The following CDH18 variants were observed in gnomAD, a reference collection of about 807,000 sequenced individuals.
CDH18 encodes cadherin-18.
Under a neutral mutation model 67.9 loss-of-function variants are expected in CDH18, and 31 were observed. That is an observed-to-expected ratio of 0.46 (90% CI 0.34 to 0.62). The LOEUF is 0.62. Ranked by LOEUF, CDH18 falls within the 20% of genes least tolerant of loss-of-function variation. The pLI, the probability that CDH18 is intolerant of heterozygous loss-of-function variation, is 0.01. For missense variants in CDH18, 890 were observed against 975.5 expected (o/e 0.91, Z 1.17); for synonymous variants, 362 against 347.2 (o/e 1.04, Z -0.48).
At chr5:19,637,470 G>A (rs1341327423) in intron 5 of CDH18, among the ~76,000 whole-genome samples, 3 of 151,914 alleles carry the variant, frequency 2.0e-5, no homozygotes, top group East Asian at 1.9e-4. Flanking sequence ...CAGCAGTTAC[G>A]CCTGACAAAT....
chr5:19,543,981 T>G lies in CDH18; in HGVS notation c.1278A>C (p.Glu426Asp), dbSNP rs1190319684. The G allele has an allele frequency of 1.9e-6, 3 of 1,584,338 alleles. No homozygotes were observed. The South Asian group carries it at 3.4e-5, about 18-fold the overall frequency. ...LVRYFINYNV[E>D]DDRFFNIDAN... ...CATCAATGTTGAAAAATCTGTCGTC[T>G]TCAACATTGTAGTTGATGAAGTATC... The change falls in exon 9 of 13, where the codon GAA becomes GAC. Residue 426 changes from glutamate (E) to aspartate (D), a missense_variant. Glu to Asp is a conservative substitution (Grantham distance 45, BLOSUM62 2). Coordinates refer to ENST00000382275, the MANE Select transcript of CDH18 (RefSeq NM_004934.5).
At chr5:20,265,006 G>C (rs1744924450) in intron 1 of CDH18, among the ~76,000 whole-genome samples, 1 of 152,090 alleles carries the variant, frequency 6.6e-6, no homozygotes, top group African/African-American at 2.4e-5. Context: ...AATGATACGA[G>C]AGACGAGTGA....
At chr5:19,601,559 T>C (rs1363258946) in intron 6 of CDH18, among the ~76,000 whole-genome samples, 1 of 151,862 alleles carries the variant, frequency 6.6e-6, no homozygotes, top group Non-Finnish European at 1.5e-5. Context: ...TCTCAAAATC[T>C]TGCAAAAAGT....
intron 1 of CDH18, among the ~76,000 whole-genome samples, chr5:20,412,497 G>C (rs372954293): frequency 2.1e-3 from 314 of 152,276 alleles, no homozygotes; most frequent in African/African-American, 7.4e-3. Context: ...CAAAAAATTT[G>C]ACAAACAGGA....
At chr5:19,998,308 A>C (rs1456683280) in intron 2 of CDH18, among the ~76,000 whole-genome samples, 2 of 152,184 alleles carry the variant, frequency 1.3e-5, no homozygotes, top group African/African-American at 2.4e-5. Context: ...TAAAATAATA[A>C]AAAATTAAAA....
intron 2 of CDH18, among the ~76,000 whole-genome samples, chr5:19,926,089 A>T (rs1391550111): frequency 6.6e-6 from 1 of 151,882 alleles, no homozygotes. Context: ...TTCACCTGCA[A>T]TTTTTTTTCA....
intron 2 of CDH18, among the ~76,000 whole-genome samples, chr5:20,146,718 A>C (rs1561829143): frequency 6.6e-6 from 1 of 152,072 alleles, no homozygotes; most frequent in Non-Finnish European, 1.5e-5. Flanking sequence ...AATGATAGAA[A>C]TAACAAAGTA....
chr5:19,801,972 C>T (rs1297172511), intron 3 of CDH18, among the ~76,000 whole-genome samples: 1 of 151,928 alleles, frequency 6.6e-6, no homozygotes, highest in African/African-American at 2.4e-5. Context: ...TGAAAAATCA[C>T]CCTCATCAAT....
At chr5:20,336,623 T>C (rs929909302) in intron 1 of CDH18, among the ~76,000 whole-genome samples, 1 of 143,100 alleles carries the variant, frequency 7.0e-6, no homozygotes, top group Non-Finnish European at 1.5e-5. Context: ...CTCTGGAGGC[T>C]GAGGCAGGAG....
intron 2 of CDH18, among the ~76,000 whole-genome samples, chr5:20,123,410 C>T (rs1290884902): frequency 2.0e-5 from 3 of 152,126 alleles, no homozygotes; most frequent in Non-Finnish European, 4.4e-5. Context: ...ACAATTTGGC[C>T]CCAACAACCT....
intron 6 of CDH18, among the ~76,000 whole-genome samples, chr5:19,600,211 A>AG (rs1421259501): frequency 1.5e-5 from 1 of 66,562 alleles, no homozygotes; most frequent in South Asian, 5.8e-4. Context: ...TGGGTGGGGG[A>AG]GGGGGGAGGG....
intron 2 of CDH18, among the ~76,000 whole-genome samples, chr5:20,189,878 T>C (rs1738402808): frequency 6.6e-6 from 1 of 152,196 alleles, no homozygotes; most frequent in African/African-American, 2.4e-5. Context: ...CTATTCTTTA[T>C]TACTGAAGGT....
At chr5:19,651,968 G>A (rs1205821625) in intron 5 of CDH18, among the ~76,000 whole-genome samples, 3 of 151,860 alleles carry the variant, frequency 2.0e-5, no homozygotes, top group Non-Finnish European at 4.4e-5. Context: ...AAGTTTCTTT[G>A]CAAGGATACA....
At chr5:19,643,943 A>G (rs1192126644) in intron 5 of CDH18, among the ~76,000 whole-genome samples, 1 of 152,188 alleles carries the variant, frequency 6.6e-6, no homozygotes, top group East Asian at 1.9e-4. Flanking sequence ...TCAAGTTTAT[A>G]CCTTAAATAT....
intron 3 of CDH18, among the ~76,000 whole-genome samples, chr5:19,780,281 A>G (rs759514150): frequency 6.6e-5 from 10 of 152,132 alleles, no homozygotes; most frequent in African/African-American, 1.4e-4. Flanking sequence ...ACCTAACTGT[A>G]TAAATCTAAT....
At chr5:20,015,721 C>T (rs1213890494) in intron 2 of CDH18, among the ~76,000 whole-genome samples, 1 of 152,116 alleles carries the variant, frequency 6.6e-6, no homozygotes, top group East Asian at 1.9e-4. Flanking sequence ...CCATGGATTA[C>T]TGAATGTTCC....
At chr5:20,315,869 G>T (rs1223347097) in intron 1 of CDH18, among the ~76,000 whole-genome samples, 1 of 152,012 alleles carries the variant, frequency 6.6e-6, no homozygotes, top group Non-Finnish European at 1.5e-5. Context: ...TCTACTGTTT[G>T]TCTCTCTGAC....
intron 5 of CDH18, among the ~76,000 whole-genome samples, chr5:19,636,591 C>A (rs909674816): frequency 6.6e-6 from 1 of 151,746 alleles, no homozygotes; most frequent in Non-Finnish European, 1.5e-5. Flanking sequence ...CCTCTAATCT[C>A]CAACATTTAT....
At chr5:19,565,549 C>T (rs1740234484) in intron 8 of CDH18, among the ~76,000 whole-genome samples, 2 of 152,160 alleles carry the variant, frequency 1.3e-5, no homozygotes, top group South Asian at 4.1e-4. Flanking sequence ...ATAATAACAC[C>T]CAATTAATCC....
Sources: gnomAD v4.1 joint callset for allele counts (sites outside exome capture counted in the v4.1 genomes callset) on GRCh38, gnomAD v4.1.1 for gene constraint, MANE v1.5 for transcripts, NCBI Gene and HGNC (gene_info 2026-07-23, HGNC 2026-07-21) for gene names.